CCDC83: variants seen among roughly 807,000 people sequenced by gnomAD.
CCDC83 encodes coiled-coil domain-containing protein 83.
CCDC83 carries 54 observed loss-of-function variants against 50.1 expected under a neutral mutation model. The observed-to-expected ratio is 1.08, with a 90% CI of 0.87 to 1.35. The LOEUF is 1.35. Ranked by LOEUF, CCDC83 falls within the 40% of genes most tolerant of loss-of-function variation. The pLI, the probability that CCDC83 is intolerant of heterozygous loss-of-function variation, is 0.00. For missense variants in CCDC83, 518 were observed against 473.9 expected (o/e 1.09, Z -0.86); for synonymous variants, 161 against 153.3 (o/e 1.05, Z -0.37).
At chr11:85,898,655 G>A (rs1174017062) in intron 6 of CCDC83, among the ~76,000 whole-genome samples, 2 of 152,182 alleles carry the variant, frequency 1.3e-5, no homozygotes, top group East Asian at 3.8e-4. Context: ...TCTGAATTGT[G>A]AAACATGATT....
chr11:85,863,489 A>G (rs1444260853), intron 1 of CCDC83, among the ~76,000 whole-genome samples: 4 of 152,206 alleles, frequency 2.6e-5, no homozygotes, highest in Non-Finnish European at 5.9e-5. Flanking sequence ...TGTGCTTTTC[A>G]GTTGGAAAGT....
At chr11:85,889,664 A>T (rs1380962818) in intron 5 of CCDC83, among the ~76,000 whole-genome samples, 1 of 152,146 alleles carries the variant, frequency 6.6e-6, no homozygotes, top group Non-Finnish European at 1.5e-5. Flanking sequence ...TACTACCATC[A>T]TCCCCTCTTT....
intron 6 of CCDC83, among the ~76,000 whole-genome samples, chr11:85,897,958 A>C (rs554834946): frequency 4.6e-5 from 7 of 152,248 alleles, no homozygotes; most frequent in South Asian, 4.1e-4. Flanking sequence ...GGAGTTCGAG[A>C]CCAGCCTGGC....
At chr11:85,918,661 A>G (rs1487921639) in intron 10 of CCDC83, among the ~76,000 whole-genome samples, 4 of 151,956 alleles carry the variant, frequency 2.6e-5, no homozygotes, top group African/African-American at 7.3e-5. Context: ...TACCTGGGAG[A>G]AAAAAAACCC....
intron 5 of CCDC83, among the ~76,000 whole-genome samples, chr11:85,888,736 A>G (rs1382139268): frequency 1.3e-5 from 2 of 152,130 alleles, no homozygotes; most frequent in East Asian, 3.8e-4. Context: ...TTTGTGTGAG[A>G]GAGTGATCCA....
At chr11:85,884,180 G>A (rs1195744415) in intron 4 of CCDC83, among the ~76,000 whole-genome samples, 1 of 152,178 alleles carries the variant, frequency 6.6e-6, no homozygotes, top group Non-Finnish European at 1.5e-5. Flanking sequence ...CGGCATGACT[G>A]AGCACAATAG....
At chr11:85,881,380 A>C (rs1167631354) in intron 3 of CCDC83, among the ~76,000 whole-genome samples, 1 of 151,252 alleles carries the variant, frequency 6.6e-6, no homozygotes, top group Non-Finnish European at 1.5e-5. Context: ...CCCCCCCCAA[A>C]AAAAAAAAGT....
intron 1 of CCDC83, 28 bp from the exon 2 acceptor site, chr11:85,865,068 C>T: frequency 8.8e-7 from 1 of 1,140,978 alleles, no homozygotes; most frequent in East Asian, 2.3e-5. Flanking sequence ...TGGAATTTTT[C>T]ACTTTCGTAT....
chr11:85,901,985 C>T (rs1473208913), intron 7 of CCDC83, among the ~76,000 whole-genome samples: 3 of 151,696 alleles, frequency 2.0e-5, no homozygotes, highest in Non-Finnish European at 2.9e-5. Flanking sequence ...GAGCTATGAT[C>T]GCACCATTGC....
chr11:85,908,686 T>G (rs1228010853), intron 7 of CCDC83, among the ~76,000 whole-genome samples: 3 of 151,182 alleles, frequency 2.0e-5, no homozygotes, highest in South Asian at 4.2e-4. Context: ...GCAGCTTGCT[T>G]GAAGCCCAGG....
intron 4 of CCDC83, 91 bp downstream of exon 4, chr11:85,882,766 G>A: frequency 8.2e-7 from 1 of 1,213,728 alleles, no homozygotes; most frequent in East Asian, 2.4e-5. Flanking sequence ...TGTTCAAAAT[G>A]CTGTTAAGTG....
At chr11:85,913,923 C>A (rs2093466109) in intron 8 of CCDC83, among the ~76,000 whole-genome samples, 1 of 152,160 alleles carries the variant, frequency 6.6e-6, no homozygotes, top group Non-Finnish European at 1.5e-5. Context: ...ACAGAAGTAA[C>A]AGTAAACTAG....
chr11:85,893,739 T>C lies in CCDC83; in HGVS notation c.512-1554T>C, dbSNP rs569286059. On this transcript the variant is annotated intron_variant, in intron 5 of 10. Transcript: ENST00000342404. Reference sequence around the variant, plus strand: ...CGCAAACCCTATTGTGAACTGCACATGTGAGGGATCTAGGCTGCATGCTCC... The same window carrying C: ...CGCAAACCCTATTGTGAACTGCACACGTGAGGGATCTAGGCTGCATGCTCC... Among the ~76,000 whole-genome samples, 48 of 152,324 alleles carry C rather than the reference T, an allele frequency of 3.2e-4. 1 individual carries two copies. The highest frequency in any genetic ancestry group is 9.6e-4 in the African/African-American group (40 of 41,584).
Position 85,897,570 on chromosome 11 carries a change from C to T in CCDC83, c.604-1377C>T, listed in dbSNP as rs186850823. On this transcript the variant is annotated intron_variant, in intron 6 of 10. Coordinates refer to ENST00000342404, the MANE Select transcript of CCDC83 (RefSeq NM_001286159.2). ...CCCATACAGAAGGCTGATATATTGC[C>T]CTGGGATGTTGTGTGGGCTTCTGGA... Among the ~76,000 whole-genome samples, 1,224 of 152,070 alleles carry T rather than the reference C, an allele frequency of 8.0e-3. 9 individuals carry two copies. Among genetic ancestry groups the T allele is most frequent in the Non-Finnish European group, 0.012 (820 of 67,994 alleles).
At chr11:85,886,390 C>G (rs1318607842) in intron 5 of CCDC83, 23 bp downstream of exon 5, 3 of 1,553,524 alleles carry the variant, frequency 1.9e-6, no homozygotes, top group African/African-American at 1.4e-5. Context: ...AAAACTAGTT[C>G]AAGTTCAGTA....
intron 1 of CCDC83, among the ~76,000 whole-genome samples, chr11:85,861,217 T>C (rs1247404047): frequency 6.6e-6 from 1 of 152,274 alleles, no homozygotes; most frequent in Non-Finnish European, 1.5e-5. Context: ...GAATATGTAT[T>C]TCAGCTTTGC....
chr11:85,916,481 A>G, intron 10 of CCDC83: 1 of 414,882 alleles, frequency 2.4e-6, no homozygotes, highest in Non-Finnish European at 4.3e-6. Context: ...CTAATGCTAC[A>G]TAACAATCCC....
chr11:85,916,938 CTA>C (rs1452185001), intron 10 of CCDC83, among the ~76,000 whole-genome samples: 1 of 151,640 alleles, frequency 6.6e-6, no homozygotes, highest in Non-Finnish European at 1.5e-5. Flanking sequence ...CGGTGAAACC[CTA>C]TCTCTACTAA....
chr11:85,879,413 C>T (rs2093286601), intron 3 of CCDC83, among the ~76,000 whole-genome samples: 1 of 152,062 alleles, frequency 6.6e-6, no homozygotes, highest in Admixed American at 6.6e-5. Flanking sequence ...CATTGAATTG[C>T]TCTCATACCT....
Sources: allele counts gnomAD v4.1 joint callset (sites outside exome capture counted in the v4.1 genomes callset), GRCh38; gene constraint gnomAD v4.1.1; transcripts MANE v1.5; gene names NCBI Gene and HGNC (gene_info 2026-07-23, HGNC 2026-07-21).